FBN1: variants seen among roughly 807,000 people sequenced by gnomAD.
FBN1 encodes fibrillin 1.
FBN1 carries 29 observed loss-of-function variants against 365.1 expected under a neutral mutation model. The ratio of observed to expected loss-of-function variants is 0.08; its 90% CI spans 0.06 to 0.11. The LOEUF is 0.11. FBN1 is among the 10% of genes least tolerant of loss of function. FBN1 has a pLI of 1.00. For missense variants in FBN1, 2,476 were observed against 3,703.2 expected (o/e 0.67, Z 8.60); for synonymous variants, 1,210 against 1,270.5 (o/e 0.95, Z 1.01).
At chr15:48,453,890 C>T (rs2043220638) in intron 44 of FBN1, among the ~76,000 whole-genome samples, 1 of 152,012 alleles carries the variant, frequency 6.6e-6, no homozygotes, top group African/African-American at 2.4e-5. Context: ...AACTTTCCCA[C>T]TTAGTAATAT....
rs528814072 is a variant in FBN1 at position 48,618,087 on chromosome 15, A to G, written c.165-4995T>C. 7.9e-5 allele frequency among the ~76,000 whole-genome samples: 12 copies of G among 152,100 alleles called. 1 individual carries two copies. Among genetic ancestry groups the G allele is most frequent in the African/African-American group, 2.9e-4 (12 of 41,472 alleles). On this transcript the variant is annotated intron_variant, in intron 2 of 65. Coordinates refer to ENST00000316623, the MANE Select transcript of FBN1 (RefSeq NM_000138.5). Reference sequence around the variant, plus strand: ...CTGCTTTTTTTTTTAACCTTTAAGGAAAAAAACTATGATTTAGCCCCTTAA... The same window carrying G: ...CTGCTTTTTTTTTTAACCTTTAAGGGAAAAAACTATGATTTAGCCCCTTAA...
At chr15:48,471,081 GT>G (rs548930500) in intron 35 of FBN1, among the ~76,000 whole-genome samples, 205 of 142,752 alleles carry the variant, frequency 1.4e-3, no homozygotes, top group South Asian at 3.2e-3. Flanking sequence ...CGCTAAATTC[GT>G]TTTTTTTTTT....
intron 2 of FBN1, among the ~76,000 whole-genome samples, chr15:48,638,117 C>T (rs537652249): frequency 3.8e-4 from 58 of 151,912 alleles, no homozygotes; most frequent in African/African-American, 1.3e-3. Flanking sequence ...TCACTGCAGC[C>T]TCAACCCTCT....
chr15:48,532,397 TGTTAA>T (rs113494274), intron 8 of FBN1, among the ~76,000 whole-genome samples: 10,802 of 152,108 alleles, frequency 0.071, 1,325 homozygotes, highest in African/African-American at 0.25. Flanking sequence ...TTTAATGGCT[TGTTAA>T]GTTAATGTCA....
At chr15:48,435,748 A>G (rs2043063876) in intron 53 of FBN1, among the ~76,000 whole-genome samples, 1 of 99,358 alleles carries the variant, frequency 1.0e-5, no homozygotes, top group Non-Finnish European at 2.4e-5. Context: ...GTGTGTATAT[A>G]TATGTGTGTA....
chr15:48,445,993 T>C (rs2043155416), intron 47 of FBN1, among the ~76,000 whole-genome samples: 1 of 152,130 alleles, frequency 6.6e-6, no homozygotes, highest in Admixed American at 6.6e-5. Flanking sequence ...AGAGGCTACA[T>C]GAAACATCTA....
At chr15:48,631,152 A>G (rs1400907718) in intron 2 of FBN1, among the ~76,000 whole-genome samples, 1 of 152,244 alleles carries the variant, frequency 6.6e-6, no homozygotes, top group Non-Finnish European at 1.5e-5. Context: ...TCTCATTAAA[A>G]TCAAAATGGA....
At chr15:48,601,996 G>T (rs1256153838) in intron 4 of FBN1, among the ~76,000 whole-genome samples, 1 of 152,114 alleles carries the variant, frequency 6.6e-6, no homozygotes, top group African/African-American at 2.4e-5. Flanking sequence ...CTACTTATCA[G>T]TCATTCATTC....
chr15:48,501,299 T>G (rs1488655429), intron 17 of FBN1, among the ~76,000 whole-genome samples: 1 of 152,140 alleles, frequency 6.6e-6, no homozygotes, highest in Non-Finnish European at 1.5e-5. Flanking sequence ...GGGAGTGAGT[T>G]AGTTATCATG....
intron 38 of FBN1, among the ~76,000 whole-genome samples, chr15:48,466,526 A>T (rs544418774): frequency 6.6e-6 from 1 of 152,348 alleles, no homozygotes; most frequent in African/African-American, 2.4e-5. Context: ...GGACATGTGA[A>T]TAAGAATGTC....
intron 6 of FBN1, among the ~76,000 whole-genome samples, chr15:48,548,688 C>T (rs565067399): frequency 3.3e-5 from 5 of 152,210 alleles, no homozygotes; most frequent in Non-Finnish European, 5.9e-5. Flanking sequence ...TAGTTAGATA[C>T]GTTCGGAAAG....
rs1890269304 is a variant in FBN1 at position 48,644,921 on chromosome 15, G to T, written c.-152C>A. The T allele has an allele frequency of 1.5e-6, 1 of 677,548 alleles. No homozygotes were observed. The highest frequency in any genetic ancestry group is 2.1e-6 in the Non-Finnish European group (1 of 485,744). 42.0% of individuals were successfully genotyped at this position (677,548 alleles called of 1,614,324 possible). A position where few individuals can be genotyped will look rare whatever the true frequency, so the allele number is the denominator to read the frequency against. On this transcript the variant is annotated 5_prime_UTR_variant, in exon 2 of 66. Coordinates refer to ENST00000316623, the MANE Select transcript of FBN1 (RefSeq NM_000138.5). The stretch of plus-strand genomic sequence containing the variant: ...CGGGCTCCTCCCGCCTTCTCCAGGC[G>T]CTGCTCCCACTTCAGGCGGCCCCTG...
chr15:48,619,006 T>G (rs1889715230), intron 2 of FBN1, among the ~76,000 whole-genome samples: 1 of 152,190 alleles, frequency 6.6e-6, no homozygotes, highest in Non-Finnish European at 1.5e-5. Context: ...CATAATATAT[T>G]ACAATGTAAT....
In FBN1 at chr15:48,596,355, T is replaced by G. The variant is rs746352371; in HGVS notation, c.466A>C (p.Asn156His). 5.6e-5 allele frequency: 90 copies of G among 1,613,892 alleles called. No individual in the cohort carries two copies. The highest frequency in any genetic ancestry group is 7.3e-5 in the Non-Finnish European group (86 of 1,179,902). ...GQPVCESGCLNGGRCVAPNRC... is the reference protein window; with the variant it reads ...GQPVCESGCLHGGRCVAPNRC... ...TTTGGGGCCACACACCTTCCTCCAT[T>G]GAGACAGCCACTTTCACAAACAGCT... The change falls in exon 6 of 66, where the codon AAT becomes CAT. Residue 156 changes from asparagine to histidine, a missense_variant. Physicochemically the swap from Asn to His is moderately conservative, Grantham distance 68 (BLOSUM62 1). Transcript: ENST00000316623.
intron 7 of FBN1, among the ~76,000 whole-genome samples, chr15:48,536,668 G>T (rs2044016057): frequency 6.6e-6 from 1 of 152,188 alleles, no homozygotes; most frequent in African/African-American, 2.4e-5. Flanking sequence ...GCTGTATGTT[G>T]TACATGGGAG....
chr15:48,493,705 T>G (rs923713432), intron 23 of FBN1, among the ~76,000 whole-genome samples: 1 of 152,224 alleles, frequency 6.6e-6, no homozygotes, highest in African/African-American at 2.4e-5. Flanking sequence ...TGCTGTGTCA[T>G]GTCAGGTTGT....
Position 48,513,537 on chromosome 15 carries a change from C to G in FBN1, c.1588+12G>C. 1 of 1,613,930 alleles carries G rather than the reference C, an allele frequency of 6.2e-7. No homozygotes were observed. The highest frequency in any genetic ancestry group is 8.5e-7 in the Non-Finnish European group (1 of 1,179,866). On this transcript the variant is annotated intron_variant, in intron 13 of 65. Coordinates refer to ENST00000316623, the MANE Select transcript of FBN1 (RefSeq NM_000138.5). ...TATGTCCCACATTCCACGTCAGGAG[C>G]CAGGACCATACCTCGGCATTCTGTC... is the stretch of plus-strand genomic sequence containing the variant.
chr15:48,469,233 CA>C lies in FBN1; in HGVS notation c.4460-700del, dbSNP rs549649943. 3.1e-3 allele frequency among the ~76,000 whole-genome samples: 434 copies of C among 138,584 alleles called. 1 individual carries two copies. The highest frequency in any genetic ancestry group is 0.012 in the African/African-American group (427 of 36,108). 90.9% of individuals were successfully genotyped at this position (138,584 alleles called of 152,430 possible). A position where few individuals can be genotyped will look rare whatever the true frequency, so the allele number is the denominator to read the frequency against. On this transcript the variant is annotated intron_variant, in intron 36 of 65. Transcript: ENST00000316623. ...TTGTGACCTCGGTCAACCAAAAATT[CA>C]GACACAGGTTTTAAGAAAATATATT...
chr15:48,639,993 T>C (rs1314805610), intron 2 of FBN1, among the ~76,000 whole-genome samples: 1 of 152,152 alleles, frequency 6.6e-6, no homozygotes, highest in African/African-American at 2.4e-5. Context: ...TTTTTTAGTA[T>C]TTTGCTTGAT....
Sources: gnomAD v4.1 joint callset for allele counts (sites outside exome capture counted in the v4.1 genomes callset) on GRCh38, gnomAD v4.1.1 for gene constraint, MANE v1.5 for transcripts, NCBI Gene and HGNC (gene_info 2026-07-23, HGNC 2026-07-21) for gene names.